The following MTFR1 variants were observed in gnomAD, a reference collection of about 807,000 sequenced individuals.
The protein encoded by MTFR1 is chondrocyte protein with a poly-proline region.
A neutral mutation model predicts 38.8 loss-of-function variants in MTFR1; 28 were observed. The observed-to-expected ratio is 0.72, with a 90% confidence interval of 0.53 to 0.99. MTFR1 has a LOEUF of 0.99. MTFR1 is among the 50% of genes least tolerant of loss of function. The pLI is 0.00. For missense variants in MTFR1, 358 were observed against 395.5 expected (o/e 0.91, Z 0.81); for synonymous variants, 145 against 137.0 (o/e 1.06, Z -0.41).
rs551343082 is a variant in MTFR1, at chr8:65,721,783, A to G, written c.*48+2302A>G. ...TACCGATTCACCTGTCTTCGATTCAATTCTCTTTTGTCCATTTTTTTTTTT... is the reference window on the plus strand; with the variant it reads ...TACCGATTCACCTGTCTTCGATTCAGTTCTCTTTTGTCCATTTTTTTTTTT... On this transcript the variant is annotated intron_variant, in intron 3 of 3. Coordinates refer to the MTFR1 transcript ENST00000521247. The G allele has an allele frequency of 3.1e-4, 47 of 151,050 alleles. 1 individual carries two copies. Among genetic ancestry groups the G allele is most frequent in the African/African-American group, 8.3e-4 (34 of 41,162 alleles). The allele number at this position is 151,050 out of a possible 1,614,324, so 9.4% of individuals were successfully genotyped here. A position where few individuals can be genotyped will look rare whatever the true frequency, so the allele number is the denominator to read the frequency against.
At chr8:65,702,325 A>T (rs1805640104) in intron 4 of MTFR1, among the ~76,000 whole-genome samples, 1 of 123,044 alleles carries the variant, frequency 8.1e-6, no homozygotes, top group Non-Finnish European at 1.6e-5. Context: ...TTTGAGACAG[A>T]GTCTTGCTGT....
At chr8:65,675,600 A>AAAAC (rs1238314811) in intron 2 of MTFR1, among the ~76,000 whole-genome samples, 1 of 152,190 alleles carries the variant, frequency 6.6e-6, no homozygotes, top group Admixed American at 6.6e-5. Flanking sequence ...CCGTCTCAAA[A>AAAAC]AAACAAACAA....
intron 1 of MTFR1, among the ~76,000 whole-genome samples, chr8:65,651,637 C>T (rs566707744): frequency 6.6e-6 from 1 of 152,154 alleles, no homozygotes; most frequent in South Asian, 2.1e-4. Flanking sequence ...TCTGGGTTCT[C>T]TACTCTGTTC....
At chr8:65,654,531 T>A (rs909581439) in intron 1 of MTFR1, among the ~76,000 whole-genome samples, 3 of 152,186 alleles carry the variant, frequency 2.0e-5, no homozygotes, top group African/African-American at 7.2e-5. Flanking sequence ...ATCTTTCTCC[T>A]TGGAGAAAGG....
At chr8:65,728,656 T>C (rs1806709295) in intron 3 of MTFR1, 1 of 120,644 alleles carries the variant, frequency 8.3e-6, no homozygotes, top group Admixed American at 8.7e-5. Context: ...ATACTGCATA[T>C]AAAGCAATCT....
chr8:65,655,969 C>CAT, intron 1 of MTFR1, among the ~76,000 whole-genome samples: 1 of 56,474 alleles, frequency 1.8e-5, no homozygotes, highest in Admixed American at 2.5e-4. Context: ...TATATATATA[C>CAT]CATATATATA....
intron 3 of MTFR1, among the ~76,000 whole-genome samples, chr8:65,686,572 T>C (rs1413162646): frequency 8.8e-6 from 1 of 114,280 alleles, no homozygotes; most frequent in African/African-American, 3.5e-5. Flanking sequence ...AGAGCGAGAC[T>C]CCGTCTCAAA....
intron 3 of MTFR1, among the ~76,000 whole-genome samples, chr8:65,740,572 T>C (rs1807374658): frequency 6.6e-6 from 1 of 152,100 alleles, no homozygotes; most frequent in Non-Finnish European, 1.5e-5. Context: ...GGCTAATTTT[T>C]TGTATTTTTA....
chr8:65,681,691 T>G (rs1804898873), intron 2 of MTFR1, among the ~76,000 whole-genome samples: 1 of 150,630 alleles, frequency 6.6e-6, no homozygotes, highest in African/African-American at 2.5e-5. Context: ...TTTTTTTGCT[T>G]TGAGGGTTTG....
At chr8:65,703,462 C>CTTGCAT (rs1460365219) in intron 4 of MTFR1, among the ~76,000 whole-genome samples, 1 of 89,564 alleles carries the variant, frequency 1.1e-5, no homozygotes, top group African/African-American at 4.5e-5. Context: ...GAGATGGAGT[C>CTTGCAT]TTGCATTGTC....
At chr8:65,685,050 T>C (rs547930739) in intron 3 of MTFR1, among the ~76,000 whole-genome samples, 1 of 152,334 alleles carries the variant, frequency 6.6e-6, no homozygotes, top group South Asian at 2.1e-4. Context: ...GTTTTACATA[T>C]GCTATCATCC....
chr8:65,652,497 G>A (rs1455384958), intron 1 of MTFR1, among the ~76,000 whole-genome samples: 1 of 152,076 alleles, frequency 6.6e-6, no homozygotes, highest in Non-Finnish European at 1.5e-5. Context: ...GCCTCCCAAG[G>A]TGCTGGGATT....
At chr8:65,738,450 T>G (rs1807249919) in intron 3 of MTFR1, among the ~76,000 whole-genome samples, 1 of 152,112 alleles carries the variant, frequency 6.6e-6, no homozygotes, top group African/African-American at 2.4e-5. Context: ...GACAAAGACT[T>G]TACCAGGAAT....
intron 3 of MTFR1, among the ~76,000 whole-genome samples, chr8:65,762,792 T>G (rs151173416): frequency 6.6e-6 from 1 of 152,162 alleles, no homozygotes; most frequent in Admixed American, 6.6e-5. Context: ...AGAGAAATAA[T>G]TGGAAACATT....
chr8:65,745,429 A>T, intron 3 of MTFR1: 1 of 1,571,360 alleles, frequency 6.4e-7, no homozygotes. Flanking sequence ...TATCAAATAG[A>T]AAGATATCAA....
At chr8:65,727,372 T>C in intron 3 of MTFR1, 1 of 1,582,100 alleles carries the variant, frequency 6.3e-7, no homozygotes, top group East Asian at 2.3e-5. Context: ...ACAGTAGTTT[T>C]GAATTAGCAG....
intron 3 of MTFR1, among the ~76,000 whole-genome samples, chr8:65,763,448 C>A (rs1015668279): frequency 1.3e-5 from 2 of 152,008 alleles, no homozygotes; most frequent in Admixed American, 1.3e-4. Context: ...GTCTGTAATC[C>A]CAGCTACTTA....
intron 1 of MTFR1, among the ~76,000 whole-genome samples, chr8:65,660,328 C>G (rs1369028098): frequency 6.8e-6 from 1 of 147,436 alleles, no homozygotes; most frequent in Admixed American, 6.8e-5. Context: ...AAAAACCCAT[C>G]TGTGGTGGTT....
intron 1 of MTFR1, among the ~76,000 whole-genome samples, chr8:65,659,318 C>T (rs1048864421): frequency 4.6e-5 from 7 of 151,926 alleles, no homozygotes; most frequent in African/African-American, 1.7e-4. Context: ...GAAACCAGCA[C>T]TCAGGCAAAA....
Sources: gnomAD v4.1 joint callset for allele counts (sites outside exome capture counted in the v4.1 genomes callset) on GRCh38, gnomAD v4.1.1 for gene constraint, MANE v1.5 for transcripts, NCBI Gene and HGNC (gene_info 2026-07-23, HGNC 2026-07-21) for gene names.